ASTN1: variants seen among roughly 807,000 people sequenced by gnomAD.
ASTN1 encodes astrotactin-1.
ASTN1 carries 41 observed loss-of-function variants against 140.7 expected under a neutral mutation model. That is an observed-to-expected ratio of 0.29 (90% CI 0.23 to 0.38). The LOEUF is 0.38. ASTN1 is among the 10% of genes least tolerant of loss of function. The pLI is 1.00. For synonymous variants in ASTN1, 640 were observed against 652.2 expected, an observed-to-expected ratio of 0.98 and a Z score of 0.29; for missense variants, 1,479 against 1,678.8, an observed-to-expected ratio of 0.88 and a Z score of 2.08.
intron 21 of ASTN1, among the ~76,000 whole-genome samples, chr1:176,869,983 G>C (rs182653537): frequency 2.5e-4 from 38 of 152,242 alleles, no homozygotes; most frequent in African/African-American, 8.4e-4. Context: ...TAGTGTAAAT[G>C]AGTAATCTTT....
chr1:176,940,427 A>T (rs1671667309), intron 14 of ASTN1, among the ~76,000 whole-genome samples: 1 of 152,186 alleles, frequency 6.6e-6, no homozygotes, highest in Admixed American at 6.5e-5. Context: ...TCCCAGTTCC[A>T]CTTAAGTCCA....
intron 2 of ASTN1, among the ~76,000 whole-genome samples, chr1:177,042,681 T>C (rs889951783): frequency 6.6e-6 from 1 of 152,276 alleles, no homozygotes; most frequent in Non-Finnish European, 1.5e-5. Flanking sequence ...GTAAAAATTA[T>C]AATTTCCATT....
intron 1 of ASTN1, among the ~76,000 whole-genome samples, chr1:177,083,459 C>T: frequency 6.6e-6 from 1 of 152,022 alleles, no homozygotes. Flanking sequence ...AAAAAAAATG[C>T]TTCATCTCAT....
At chr1:176,974,369 T>A (rs1268574526) in intron 8 of ASTN1, among the ~76,000 whole-genome samples, 16 of 152,146 alleles carry the variant, frequency 1.1e-4, no homozygotes, top group Non-Finnish European at 5.9e-5. Flanking sequence ...GGAATTTTGA[T>A]TCTAAATGTT....
At chr1:177,099,906 T>C (rs957948347) in intron 1 of ASTN1, among the ~76,000 whole-genome samples, 20 of 152,222 alleles carry the variant, frequency 1.3e-4, no homozygotes, top group African/African-American at 3.6e-4. Flanking sequence ...TGCATTTTCA[T>C]TGATGTATCA....
At chr1:177,055,351 A>G (rs1443723071) in intron 2 of ASTN1, among the ~76,000 whole-genome samples, 1 of 152,226 alleles carries the variant, frequency 6.6e-6, no homozygotes, top group African/African-American at 2.4e-5. Context: ...AGGGCATTCC[A>G]TGGTGCCAGG....
chr1:177,106,244 A>G (rs1262613585), intron 1 of ASTN1, among the ~76,000 whole-genome samples: 2 of 152,178 alleles, frequency 1.3e-5, no homozygotes, highest in Non-Finnish European at 2.9e-5. Flanking sequence ...TAAAATAGCT[A>G]CTTTCTTAAA....
intron 16 of ASTN1, among the ~76,000 whole-genome samples, chr1:176,906,072 G>A (rs1669985693): frequency 6.6e-6 from 1 of 152,252 alleles, no homozygotes; most frequent in South Asian, 2.1e-4. Context: ...AAATGGTGCT[G>A]TGGCAAGCCA....
At position 176,945,861 on chromosome 1, in the gene ASTN1, G is replaced by A. The variant is rs1036809426; in HGVS notation, c.2249+65C>T. On this transcript the variant is annotated intron_variant, in intron 13 of 22. Transcript: ENST00000361833. ...CCAACATATAAAGCTTTATGCTAGT[G>A]CAAACTCTTTAGAGAAAGTCCACCA... 8.2e-6 allele frequency: 12 copies of A among 1,470,768 alleles called. No individual in the cohort carries two copies. The African/African-American group carries it at 1.7e-4, about 21-fold the overall frequency. The allele number at this position is 1,470,768 out of a possible 1,614,324, so 91.1% of individuals were successfully genotyped here.
intron 16 of ASTN1, among the ~76,000 whole-genome samples, chr1:176,927,708 T>C (rs535468036): frequency 7.9e-4 from 121 of 152,316 alleles, no homozygotes; most frequent in African/African-American, 2.8e-3. Flanking sequence ...CAAGACGTGG[T>C]CATATCACTT....
At chr1:176,886,476 G>T (rs910521477) in intron 18 of ASTN1, among the ~76,000 whole-genome samples, 8 of 152,128 alleles carry the variant, frequency 5.3e-5, no homozygotes, top group Admixed American at 4.6e-4. Context: ...CTAAATGAAG[G>T]AACTTTTATT....
At chr1:177,150,600 G>A (rs1682988738) in intron 1 of ASTN1, among the ~76,000 whole-genome samples, 1 of 152,152 alleles carries the variant, frequency 6.6e-6, no homozygotes, top group Admixed American at 6.5e-5. Context: ...GAAAGAGTAT[G>A]AGAAAGCTGG....
At chr1:176,952,118 C>A (rs1420421355) in intron 11 of ASTN1, among the ~76,000 whole-genome samples, 1 of 152,132 alleles carries the variant, frequency 6.6e-6, no homozygotes, top group Non-Finnish European at 1.5e-5. Flanking sequence ...CCTAAAGAAA[C>A]AAAGTCAATG....
intron 21 of ASTN1, among the ~76,000 whole-genome samples, chr1:176,871,376 C>T (rs866008216): frequency 3.7e-4 from 57 of 152,264 alleles, no homozygotes; most frequent in African/African-American, 1.2e-3. Flanking sequence ...CCCACCCCTG[C>T]ACTGGTGCCA....
intron 1 of ASTN1, among the ~76,000 whole-genome samples, chr1:177,064,312 GAT>G (rs1414393400): frequency 6.6e-6 from 1 of 152,144 alleles, no homozygotes; most frequent in Non-Finnish European, 1.5e-5. Flanking sequence ...TGAAAATTGA[GAT>G]ATAATTCACA....
chr1:176,864,382 G>C lies in ASTN1; in HGVS notation c.3787C>G (p.Leu1263Val). 1 of 1,614,094 alleles carries C rather than the reference G, an allele frequency of 6.2e-7. No homozygotes were observed. The highest frequency in any genetic ancestry group is 8.5e-7 in the Non-Finnish European group (1 of 1,180,000). The change falls in exon 23 of 23, where the codon CTT (leucine) becomes GTT (valine). Residue 1263 changes from leucine to valine, a missense_variant. Physicochemically the swap from Leu to Val is conservative, Grantham distance 32 (BLOSUM62 1). This residue lies in a region of ASTN1 where 746 missense variants were observed against 800.9 expected (regional missense o/e 0.93). Coordinates refer to ENST00000361833, the MANE Select transcript of ASTN1 (RefSeq NM_004319.3). Reference protein sequence around the residue: ...CRYSEIKPYGLDWAELSRDLR... With the variant: ...CRYSEIKPYGVDWAELSRDLR... ...TCCCGGCTGAGCTCCGCCCAGTCAA[G>C]TCCGTAGGGTTTGATCTCGCTGTAG...
intron 15 of ASTN1, chr1:176,935,950 T>A (rs1671424810): frequency 2.5e-6 from 1 of 398,160 alleles, no homozygotes. Flanking sequence ...TCTCAATTTG[T>A]AAAAAATCTG....
intron 7 of ASTN1, among the ~76,000 whole-genome samples, chr1:177,021,753 G>A (rs1035744217): frequency 2.6e-5 from 4 of 152,176 alleles, no homozygotes; most frequent in East Asian, 1.9e-4. Flanking sequence ...AGCTCCCCCC[G>A]GGGATCAAGC....
At chr1:176,983,332 G>C (rs1369301733) in intron 8 of ASTN1, among the ~76,000 whole-genome samples, 1 of 152,034 alleles carries the variant, frequency 6.6e-6, no homozygotes, top group Admixed American at 6.6e-5. Flanking sequence ...TCCCTGCCTC[G>C]CAGCCACAGC....
Sources: allele counts gnomAD v4.1 joint callset (sites outside exome capture counted in the v4.1 genomes callset), GRCh38; gene constraint gnomAD v4.1.1; regional missense constraint gnomAD v4.1.1; transcripts MANE v1.5; gene names NCBI Gene and HGNC (gene_info 2026-07-23, HGNC 2026-07-21).